NEK11: variants seen among roughly 807,000 people sequenced by gnomAD.
The protein encoded by NEK11 is serine/threonine-protein kinase Nek11.
Under a neutral mutation model 80.7 loss-of-function variants are expected in NEK11, and 72 were observed. The ratio of observed to expected loss-of-function variants is 0.89; its 90% CI spans 0.74 to 1.08. NEK11 has a LOEUF of 1.08. Among genes scored for constraint, NEK11 ranks in the 50% least tolerant of loss-of-function variants. NEK11 has a pLI of 0.00. For missense variants in NEK11, 764 were observed against 763.6 expected (o/e 1.00, Z -0.01); for synonymous variants, 251 against 260.7 (o/e 0.96, Z 0.36).
At chr3:131,219,975 C>A (rs1188515341) in intron 14 of NEK11, among the ~76,000 whole-genome samples, 2 of 152,200 alleles carry the variant, frequency 1.3e-5, no homozygotes, top group Admixed American at 1.3e-4. Context: ...GCAACGGAGG[C>A]AGAATTTGAT....
intron 17 of NEK11, among the ~76,000 whole-genome samples, chr3:131,340,603 G>A (rs1349086296): frequency 6.6e-6 from 1 of 152,160 alleles, no homozygotes; most frequent in Non-Finnish European, 1.5e-5. Flanking sequence ...GTGTTTAATA[G>A]TTTTTCATCA....
intron 3 of NEK11, among the ~76,000 whole-genome samples, chr3:131,053,013 C>T (rs892915000): frequency 1.3e-5 from 2 of 152,032 alleles, no homozygotes; most frequent in East Asian, 1.9e-4. Flanking sequence ...TCCTCTTTCC[C>T]GCCCCCCGGG....
chr3:131,192,691 C>A (rs939195705), intron 14 of NEK11, among the ~76,000 whole-genome samples: 1 of 152,106 alleles, frequency 6.6e-6, no homozygotes, highest in African/African-American at 2.4e-5. Flanking sequence ...CACAAGGGGA[C>A]AAATATTGCA....
At chr3:131,162,836 C>G (rs993956530) in intron 11 of NEK11, among the ~76,000 whole-genome samples, 1 of 152,052 alleles carries the variant, frequency 6.6e-6, no homozygotes, top group African/African-American at 2.4e-5. Flanking sequence ...CTGCACATAC[C>G]CCAGCAGGAG....
At chr3:131,061,124 A>G (rs1237788083) in intron 3 of NEK11, among the ~76,000 whole-genome samples, 2 of 152,164 alleles carry the variant, frequency 1.3e-5, no homozygotes, top group African/African-American at 4.8e-5. Context: ...AGGCCTAGAG[A>G]TCTACATTTA....
chr3:131,270,757 CT>C (rs1242522275), intron 16 of NEK11, among the ~76,000 whole-genome samples: 2 of 152,146 alleles, frequency 1.3e-5, no homozygotes, highest in Non-Finnish European at 2.9e-5. Context: ...GACTGAGTGC[CT>C]TATTGAGGGA....
At chr3:131,331,542 G>C (rs942070892) in intron 17 of NEK11, among the ~76,000 whole-genome samples, 1 of 152,230 alleles carries the variant, frequency 6.6e-6, no homozygotes, top group Non-Finnish European at 1.5e-5. Flanking sequence ...CGCAGAATAC[G>C]GGTGATTTCT....
Position 131,109,837 on chromosome 3 carries a change from A to C in NEK11, c.371A>C (p.Lys124Thr), listed in dbSNP as rs1471343156. Residue 124 changes from lysine (K) to threonine (T), a missense_variant, in exon 5 of 18, where the codon AAA becomes ACA. Physicochemically the swap from Lys to Thr is moderately conservative, Grantham distance 78. Coordinates refer to ENST00000383366, the MANE Select transcript of NEK11 (RefSeq NM_024800.5). ...RDLDDKIQEY[K>T]QAGKIFPENQ... is the part of the protein sequence containing the mutation. Reference sequence around the variant, plus strand: ...CTGGACGATAAAATTCAGGAATATAAACAAGCTGGAAAAATCTTTCCAGAA... The same window carrying C: ...CTGGACGATAAAATTCAGGAATATACACAAGCTGGAAAAATCTTTCCAGAA... The C allele has an allele frequency of 1.2e-6, 2 of 1,605,484 alleles. No homozygotes were observed. The highest frequency in any genetic ancestry group is 1.3e-5 in the African/African-American group (1 of 74,484).
rs946685594 is a variant in NEK11, at chr3:131,158,592, A to C, written c.962+3471A>C. ...CTGTGTCAGCATGCACAGAGGTTGCACACAGACCTATGCCCACAAGTGCTG... is the reference window on the plus strand; with the variant it reads ...CTGTGTCAGCATGCACAGAGGTTGCCCACAGACCTATGCCCACAAGTGCTG... On this transcript the variant is annotated intron_variant, in intron 10 of 17. Transcript: ENST00000383366. Among the ~76,000 whole-genome samples, 22 of 152,276 alleles carry C rather than the reference A, an allele frequency of 1.4e-4. 1 individual carries two copies. The South Asian group carries it at 4.3e-3, about 30-fold the overall frequency.
At chr3:131,254,685 G>A (rs2095771261) in intron 16 of NEK11, among the ~76,000 whole-genome samples, 1 of 152,056 alleles carries the variant, frequency 6.6e-6, no homozygotes, top group South Asian at 2.1e-4. Flanking sequence ...AGTTTACCAA[G>A]GACATGTATA....
At chr3:131,252,916 A>G (rs186541427) in intron 16 of NEK11, among the ~76,000 whole-genome samples, 11 of 152,306 alleles carry the variant, frequency 7.2e-5, no homozygotes, top group African/African-American at 2.4e-4. Context: ...TCCAAAAATT[A>G]TAGAGAACTT....
chr3:131,129,966 A>G (rs2084127884), intron 5 of NEK11, among the ~76,000 whole-genome samples: 1 of 152,180 alleles, frequency 6.6e-6, no homozygotes, highest in Admixed American at 6.5e-5. Context: ...AATGTCTACA[A>G]AATAACTTCC....
chr3:131,308,876 T>TG (rs1312906440), intron 17 of NEK11, among the ~76,000 whole-genome samples: 37 of 152,292 alleles, frequency 2.4e-4, no homozygotes, highest in Admixed American at 9.1e-4. Context: ...GGTTTCAGGA[T>TG]GAAATTGTTC....
At chr3:131,211,883 A>G (rs2094631778) in intron 14 of NEK11, among the ~76,000 whole-genome samples, 1 of 151,994 alleles carries the variant, frequency 6.6e-6, no homozygotes, top group Non-Finnish European at 1.5e-5. Flanking sequence ...TCTTTTTTCA[A>G]GGCTTTTAGC....
intron 17 of NEK11, among the ~76,000 whole-genome samples, chr3:131,317,631 G>C (rs1157537027): frequency 3.3e-5 from 5 of 151,376 alleles, no homozygotes; most frequent in African/African-American, 2.4e-5. Flanking sequence ...GTGGTGGCTC[G>C]TGCTTGTAAT....
chr3:131,163,432 A>C (rs896335086), intron 11 of NEK11, among the ~76,000 whole-genome samples: 6 of 152,210 alleles, frequency 3.9e-5, no homozygotes, highest in Non-Finnish European at 8.8e-5. Context: ...GAATCCCATC[A>C]TTTGCAACAA....
At chr3:131,258,496 A>T (rs2095856654) in intron 16 of NEK11, among the ~76,000 whole-genome samples, 1 of 152,192 alleles carries the variant, frequency 6.6e-6, no homozygotes, top group Non-Finnish European at 1.5e-5. Context: ...CTCCCCAAAC[A>T]TTGGCTAGTG....
In NEK11 at chr3:131,152,631, C is replaced by G. The variant is rs1000620375; in HGVS notation, c.798C>G (p.Ser266Arg). 8 of 1,612,070 alleles carry G rather than the reference C, an allele frequency of 5.0e-6. No homozygotes were observed. Among genetic ancestry groups the G allele is most frequent in the Non-Finnish European group, 6.8e-6 (8 of 1,178,956 alleles). The stretch of plus-strand genomic sequence containing the variant: ...ATAATTTTCTGTTTAAACATTACAG[C>G]ATGTTGAACAAGAATCCTTCATTAA... Reference protein sequence around the residue: ...YPKELNAIMESMLNKNPSLRP... With the variant: ...YPKELNAIMERMLNKNPSLRP... Residue 266 changes from serine to arginine, a missense_variant and splice_region_variant, in exon 9 of 18, where the codon AGC becomes AGG. Coordinates refer to ENST00000383366, the MANE Select transcript of NEK11 (RefSeq NM_024800.5).
chr3:131,189,240 T>C (rs2093704234), intron 14 of NEK11, among the ~76,000 whole-genome samples: 1 of 152,176 alleles, frequency 6.6e-6, no homozygotes, highest in Non-Finnish European at 1.5e-5. Flanking sequence ...ATTTCTGTTG[T>C]TTTAAGTCAC....
Sources: allele counts gnomAD v4.1 joint callset (sites outside exome capture counted in the v4.1 genomes callset), GRCh38; gene constraint gnomAD v4.1.1; transcripts MANE v1.5; gene names NCBI Gene and HGNC (gene_info 2026-07-23, HGNC 2026-07-21).